Variants in DCC observed in about 807,000 individuals in gnomAD.
The protein encoded by DCC is netrin receptor DCC.
A neutral mutation model predicts 172.5 loss-of-function variants in DCC; 58 were observed. The ratio of observed to expected loss-of-function variants is 0.34; its 90% CI spans 0.27 to 0.42. The LOEUF (loss-of-function observed/expected upper bound fraction) is 0.42, where lower values mean the gene tolerates loss of function less well. Among genes scored for constraint, DCC ranks in the 10% least tolerant of loss-of-function variants. DCC has a pLI of 1.00. For synonymous variants in DCC, 709 were observed against 644.5 expected (o/e 1.10, Z -1.52); for missense variants, 1,740 against 1,791.0 (o/e 0.97, Z 0.51).
chr18:53,464,125 A>G (rs1029600603), intron 24 of DCC, among the ~76,000 whole-genome samples: 8 of 152,178 alleles, frequency 5.3e-5, no homozygotes, highest in African/African-American at 1.9e-4. Flanking sequence ...TTCTTTACTT[A>G]AAAGTTTACA....
At chr18:52,931,261 T>C (rs1598943211) in intron 5 of DCC, among the ~76,000 whole-genome samples, 2 of 152,228 alleles carry the variant, frequency 1.3e-5, no homozygotes, top group East Asian at 3.9e-4. Flanking sequence ...TTGAATTTAT[T>C]GCCTTCTTAA....
intron 1 of DCC, among the ~76,000 whole-genome samples, chr18:52,631,937 C>G (rs974645767): frequency 1.3e-5 from 2 of 152,194 alleles, no homozygotes; most frequent in African/African-American, 4.8e-5. Context: ...TCTGCTCCAG[C>G]TCTGATTAGG....
At chr18:52,507,034 T>C (rs949122042) in intron 1 of DCC, among the ~76,000 whole-genome samples, 1 of 152,180 alleles carries the variant, frequency 6.6e-6, no homozygotes, top group Non-Finnish European at 1.5e-5. Flanking sequence ...CCAAAGATGA[T>C]ATATTGCAAA....
At chr18:52,554,633 A>C (rs1461784065) in intron 1 of DCC, among the ~76,000 whole-genome samples, 1 of 152,106 alleles carries the variant, frequency 6.6e-6, no homozygotes, top group East Asian at 1.9e-4. Flanking sequence ...AATGTGATTT[A>C]GATTACATAA....
chr18:53,251,115 T>A lies in DCC; in HGVS notation c.1911+35518T>A, dbSNP rs117977987. 5.3e-3 allele frequency among the ~76,000 whole-genome samples: 802 copies of A among 152,042 alleles called. 4 individuals are homozygous for A. The highest frequency in any genetic ancestry group is 0.023 in the Admixed American group (348 of 15,232). ...TCGTCTCTTACACCATCATCTCTAG[T>A]CTTATTCCCTGATCTGATTATTAGA... is the stretch of plus-strand genomic sequence containing the variant. On this transcript the variant is annotated intron_variant, in intron 12 of 28. Transcript: ENST00000442544.
chr18:53,417,880 T>C (rs1165535845), intron 21 of DCC, among the ~76,000 whole-genome samples: 1 of 152,186 alleles, frequency 6.6e-6, no homozygotes, highest in Admixed American at 6.6e-5. Context: ...ACATATATTC[T>C]GTAAATTGAT....
At chr18:53,157,090 T>C (rs563541904) in intron 7 of DCC, among the ~76,000 whole-genome samples, 1 of 152,308 alleles carries the variant, frequency 6.6e-6, no homozygotes, top group African/African-American at 2.4e-5. Context: ...TTTTTTCCCT[T>C]ATTGTCATAG....
chr18:53,421,749 C>G (rs974753811), intron 21 of DCC, among the ~76,000 whole-genome samples: 1 of 152,164 alleles, frequency 6.6e-6, no homozygotes, highest in African/African-American at 2.4e-5. Flanking sequence ...ATGATAAGTT[C>G]AGACTAAATT....
chr18:52,541,899 G>GTATA (rs1390082523), intron 1 of DCC, among the ~76,000 whole-genome samples: 2 of 136,030 alleles, frequency 1.5e-5, no homozygotes, highest in African/African-American at 5.5e-5. Context: ...ATATATATGT[G>GTATA]TATATATATA....
chr18:53,116,867 G>A (rs2043416432), intron 7 of DCC, among the ~76,000 whole-genome samples: 2 of 151,484 alleles, frequency 1.3e-5, no homozygotes, highest in Non-Finnish European at 3.0e-5. Context: ...TAATTCCTAT[G>A]TCTAGACTAA....
At chr18:53,408,509 G>A (rs893554436) in intron 19 of DCC, among the ~76,000 whole-genome samples, 1 of 152,146 alleles carries the variant, frequency 6.6e-6, no homozygotes, top group Non-Finnish European at 1.5e-5. Context: ...TAGCAAGGCA[G>A]ATGTCATGAT....
intron 1 of DCC, among the ~76,000 whole-genome samples, chr18:52,511,280 C>CAA (rs5824941): frequency 0.23 from 24,754 of 109,698 alleles, 2,851 homozygotes; most frequent in Non-Finnish European, 0.25. Flanking sequence ...GACTCTGTCT[C>CAA]AAAAAAAAAA....
At chr18:53,446,108 A>AAC (rs1568136832) in intron 22 of DCC, among the ~76,000 whole-genome samples, 3 of 144,198 alleles carry the variant, frequency 2.1e-5, no homozygotes, top group African/African-American at 7.7e-5. Context: ...CAAAAAAAAA[A>AAC]AAAAAACAAA....
chr18:52,717,121 C>T (rs560487040), intron 1 of DCC, among the ~76,000 whole-genome samples: 1 of 152,290 alleles, frequency 6.6e-6, no homozygotes, highest in East Asian at 1.9e-4. Context: ...GAACAGAAGT[C>T]CACTGAGCTT....
At chr18:53,306,783 T>C (rs1460061765) in intron 13 of DCC, among the ~76,000 whole-genome samples, 2 of 152,194 alleles carry the variant, frequency 1.3e-5, no homozygotes, top group African/African-American at 4.8e-5. Flanking sequence ...TAGGAATATC[T>C]TGAGCTACTG....
chr18:53,434,871 T>C lies in DCC; in HGVS notation c.3164-273T>C, dbSNP rs73461191. Among the ~76,000 whole-genome samples the C allele has an allele frequency of 2.0e-3, 302 of 152,272 alleles. 3 individuals are homozygous for C. The highest frequency in any genetic ancestry group is 7.0e-3 in the African/African-American group (290 of 41,560). ...CTGCTGCACCTTTAATAAAAGACTT[T>C]AATAAGAATATTGGGAGAAATAAAA... On this transcript the variant is annotated intron_variant, in intron 21 of 28. Transcript: ENST00000442544.
At chr18:52,787,679 G>A (rs1019878139) in intron 2 of DCC, among the ~76,000 whole-genome samples, 1 of 152,052 alleles carries the variant, frequency 6.6e-6, no homozygotes, top group African/African-American at 2.4e-5. Flanking sequence ...AGAAATCCCA[G>A]CTCAGGGAAG....
intron 1 of DCC, among the ~76,000 whole-genome samples, chr18:52,417,072 T>C (rs984627850): frequency 6.6e-6 from 1 of 152,186 alleles, no homozygotes; most frequent in African/African-American, 2.4e-5. Context: ...GGCCTGGTGG[T>C]GACAAAATCT....
intron 12 of DCC, among the ~76,000 whole-genome samples, chr18:53,235,177 A>G (rs1303825712): frequency 6.6e-6 from 1 of 152,190 alleles, no homozygotes; most frequent in Non-Finnish European, 1.5e-5. Context: ...TTTAAAATGC[A>G]AGGGGAGAAA....
Sources: gnomAD v4.1 joint callset for allele counts (sites outside exome capture counted in the v4.1 genomes callset) on GRCh38, gnomAD v4.1.1 for gene constraint, MANE v1.5 for transcripts, NCBI Gene and HGNC (gene_info 2026-07-23, HGNC 2026-07-21) for gene names.